Variants in IMMP2L observed in about 807,000 individuals in gnomAD.
IMMP2L encodes mitochondrial inner membrane protease subunit 2.
IMMP2L carries 18 observed loss-of-function variants against 19.3 expected under a neutral mutation model. The observed-to-expected ratio is 0.93, with a 90% CI of 0.64 to 1.38. IMMP2L has a LOEUF of 1.38. IMMP2L is among the 40% of genes most tolerant of loss of function. The pLI, the probability that IMMP2L is intolerant of heterozygous loss-of-function variation, is 0.00. For missense variants in IMMP2L, 233 were observed against 218.2 expected (o/e 1.07, Z -0.43); for synonymous variants, 76 against 73.0 (o/e 1.04, Z -0.21).
chr7:111,356,148 A>G (rs1828676456), intron 3 of IMMP2L, among the ~76,000 whole-genome samples: 1 of 152,076 alleles, frequency 6.6e-6, no homozygotes, highest in East Asian at 1.9e-4. Context: ...ACAATCAGCT[A>G]TAAAGTAGAT....
intron 3 of IMMP2L, among the ~76,000 whole-genome samples, chr7:111,114,827 A>G (rs1799681691): frequency 6.6e-6 from 1 of 152,164 alleles, no homozygotes; most frequent in African/African-American, 2.4e-5. Context: ...AAATTATATA[A>G]TAATAGAATT....
intron 3 of IMMP2L, among the ~76,000 whole-genome samples, chr7:111,153,550 T>C (rs901902339): frequency 6.6e-6 from 1 of 152,056 alleles, no homozygotes; most frequent in Non-Finnish European, 1.5e-5. Flanking sequence ...ATAAACCTAC[T>C]CTTGACTAAC....
intron 1 of IMMP2L, among the ~76,000 whole-genome samples, chr7:111,539,631 G>GTT (rs1219109921): frequency 1.6e-4 from 23 of 142,672 alleles, no homozygotes; most frequent in African/African-American, 5.9e-4. Context: ...TTTTTATCTG[G>GTT]TTTTTTTTTT....
chr7:110,949,200 T>C (rs557731702), intron 4 of IMMP2L, among the ~76,000 whole-genome samples: 1 of 152,296 alleles, frequency 6.6e-6, no homozygotes, highest in South Asian at 2.1e-4. Context: ...CTCTCATATA[T>C]CTGTACATCA....
chr7:111,320,821 T>C (rs576319370), intron 3 of IMMP2L, among the ~76,000 whole-genome samples: 6 of 152,134 alleles, frequency 3.9e-5, no homozygotes, highest in Non-Finnish European at 8.8e-5. Context: ...CCTATGCTTA[T>C]AGTTATCATA....
At chr7:110,744,366 G>C (rs1584692464) in intron 5 of IMMP2L, among the ~76,000 whole-genome samples, 1 of 152,232 alleles carries the variant, frequency 6.6e-6, no homozygotes, top group African/African-American at 2.4e-5. Flanking sequence ...GAAGAGAGCA[G>C]TGGGTCTACC....
intron 4 of IMMP2L, among the ~76,000 whole-genome samples, chr7:110,922,848 T>C (rs1814442311): frequency 6.6e-6 from 1 of 152,198 alleles, no homozygotes; most frequent in South Asian, 2.1e-4. Flanking sequence ...TCTCATCAGA[T>C]TGATTGTCAA....
At chr7:111,377,262 T>C (rs974637632) in intron 3 of IMMP2L, among the ~76,000 whole-genome samples, 8 of 151,960 alleles carry the variant, frequency 5.3e-5, no homozygotes, top group African/African-American at 1.9e-4. Flanking sequence ...TATATGTGTG[T>C]ATGTGTATGT....
At chr7:110,670,183 G>A (rs2130321612) in intron 5 of IMMP2L, among the ~76,000 whole-genome samples, 1 of 152,282 alleles carries the variant, frequency 6.6e-6, no homozygotes, top group South Asian at 2.1e-4. Context: ...AGAAGCACAT[G>A]TGCACACAGA....
intron 3 of IMMP2L, among the ~76,000 whole-genome samples, chr7:111,467,679 T>C (rs1585223972): frequency 6.6e-6 from 1 of 152,266 alleles, no homozygotes; most frequent in South Asian, 2.1e-4. Context: ...ACATTCTGAG[T>C]ATATGCAAAA....
intron 5 of IMMP2L, among the ~76,000 whole-genome samples, chr7:110,683,807 A>G (rs1792910231): frequency 6.6e-6 from 1 of 152,098 alleles, no homozygotes; most frequent in African/African-American, 2.4e-5. Flanking sequence ...CCAGCTTTGT[A>G]TACTTTCTAT....
At chr7:111,458,370 C>T (rs1484120568) in intron 3 of IMMP2L, among the ~76,000 whole-genome samples, 3 of 151,322 alleles carry the variant, frequency 2.0e-5, no homozygotes, top group Non-Finnish European at 4.4e-5. Context: ...CAGAACAAGA[C>T]ACCATCTCAA....
At chr7:111,190,513 G>C (rs1195196647) in intron 3 of IMMP2L, among the ~76,000 whole-genome samples, 1 of 152,014 alleles carries the variant, frequency 6.6e-6, no homozygotes, top group Non-Finnish European at 1.5e-5. Flanking sequence ...ATTTCACTCC[G>C]TTATGCACCA....
intron 5 of IMMP2L, among the ~76,000 whole-genome samples, chr7:110,817,065 T>C (rs1802589757): frequency 6.6e-6 from 1 of 152,082 alleles, no homozygotes; most frequent in South Asian, 2.1e-4. Context: ...CTAGCCTTGA[T>C]GGTCTTTACA....
At chr7:110,800,218 G>T in intron 5 of IMMP2L, among the ~76,000 whole-genome samples, 1 of 151,974 alleles carries the variant, frequency 6.6e-6, no homozygotes, top group Non-Finnish European at 1.5e-5. Context: ...TAGGAAGTGT[G>T]AGAAAGTATC....
intron 3 of IMMP2L, among the ~76,000 whole-genome samples, chr7:111,389,291 G>A (rs370770786): frequency 1.3e-5 from 2 of 152,224 alleles, no homozygotes; most frequent in African/African-American, 2.4e-5. Context: ...CAGATTGAAG[G>A]AGAGCAAAGA....
At chr7:111,410,156 AG>A (rs1834273180) in intron 3 of IMMP2L, among the ~76,000 whole-genome samples, 1 of 151,814 alleles carries the variant, frequency 6.6e-6, no homozygotes, top group South Asian at 2.1e-4. Context: ...GATCAATTTC[AG>A]GGGAGTTATA....
At chr7:111,091,714 A>G (rs756110077) in intron 3 of IMMP2L, among the ~76,000 whole-genome samples, 1 of 152,072 alleles carries the variant, frequency 6.6e-6, no homozygotes. Context: ...ATTCTCCAAC[A>G]TGCATTTTAC....
intron 3 of IMMP2L, among the ~76,000 whole-genome samples, chr7:111,119,320 C>T (rs994797647): frequency 6.6e-5 from 10 of 152,120 alleles, no homozygotes; most frequent in African/African-American, 1.9e-4. Flanking sequence ...AGCATGCATA[C>T]GGAATTGTAA....
Sources: gnomAD v4.1 joint callset for allele counts (sites outside exome capture counted in the v4.1 genomes callset) on GRCh38, gnomAD v4.1.1 for gene constraint, MANE v1.5 for transcripts, NCBI Gene and HGNC (gene_info 2026-07-23, HGNC 2026-07-21) for gene names.